REPS1: variants seen among roughly 807,000 people sequenced by gnomAD.
REPS1 encodes ralBP1-associated Eps domain-containing protein 1.
A neutral mutation model predicts 100.9 loss-of-function variants in REPS1; 39 were observed. That is an observed-to-expected ratio of 0.39 (90% CI 0.30 to 0.50). The LOEUF is 0.50. REPS1 is among the 20% of genes least tolerant of loss of function. The pLI, the probability that REPS1 is intolerant of heterozygous loss-of-function variation, is 0.86. For synonymous variants in REPS1, 324 were observed against 340.3 expected (o/e 0.95, Z 0.53); for missense variants, 821 against 968.5 (o/e 0.85, Z 2.02).
At chr6:138,915,662 A>G (rs1056763293) in intron 14 of REPS1, among the ~76,000 whole-genome samples, 196 bp downstream of exon 14, 2 of 152,110 alleles carry the variant, frequency 1.3e-5, no homozygotes, top group Non-Finnish European at 2.9e-5. Flanking sequence ...CATGTTGGCC[A>G]GGCTGGTCTC....
Position 138,924,977 on chromosome 6 carries a change from A to G in REPS1, c.1338+1424T>C, listed in dbSNP as rs118092817. ...AATAGACAATAAAATAAACATTTTA[A>G]AATTGTACATTATCTGTTTGAATTC... On this transcript the variant is annotated intron_variant, in intron 10 of 19. Coordinates refer to ENST00000450536, the MANE Select transcript of REPS1 (RefSeq NM_001286611.2). Among the ~76,000 whole-genome samples, 642 of 152,354 alleles carry G rather than the reference A, an allele frequency of 4.2e-3. 6 individuals are homozygous for G. The highest frequency in any genetic ancestry group is 0.027 in the South Asian group (130 of 4,826).
intron 19 of REPS1, 86 bp downstream of exon 19, chr6:138,907,409 C>T: frequency 1.2e-6 from 1 of 845,166 alleles, no homozygotes; most frequent in East Asian, 2.7e-5. Context: ...TATATGTGAT[C>T]TTGGAGGTAT....
At position 138,987,848 on chromosome 6, in the gene REPS1, G is replaced by A. The variant is rs566529045; in HGVS notation, c.-166C>T. On this transcript the variant is annotated 5_prime_UTR_variant, in exon 1 of 20. Transcript: ENST00000450536. Reference sequence around the variant, plus strand: ...AGGTGCGCCCGAGCAACAGGGCCCGGAGGTCGCGAGGAGGGGGCCCGGCTG... The same window carrying A: ...AGGTGCGCCCGAGCAACAGGGCCCGAAGGTCGCGAGGAGGGGGCCCGGCTG... 4.0e-6 allele frequency: 3 copies of A among 746,318 alleles called. No homozygotes were observed. The South Asian group carries it at 1.9e-4, about 46-fold the overall frequency. 46.2% of individuals were successfully genotyped at this position (746,318 alleles called of 1,614,324 possible).
intron 18 of REPS1, 106 bp downstream of exon 18, chr6:138,908,562 T>C: frequency 8.2e-7 from 1 of 1,226,456 alleles, no homozygotes; most frequent in Admixed American, 1.8e-5. Flanking sequence ...CCCAAAATGC[T>C]GGGATTACAG....
chr6:138,987,843 G>T lies in REPS1; in HGVS notation c.-161C>A. 1.2e-6 allele frequency: 1 copy of T among 821,296 alleles called. No individual in the cohort carries two copies. Among genetic ancestry groups the T allele is most frequent in the Non-Finnish European group, 1.6e-6 (1 of 611,602 alleles). The allele number at this position is 821,296 out of a possible 1,614,324, so 50.9% of individuals were successfully genotyped here. A position where few individuals can be genotyped will look rare whatever the true frequency, so the allele number is the denominator to read the frequency against. Reference sequence around the variant, plus strand: ...GCGCCAGGTGCGCCCGAGCAACAGGGCCCGGAGGTCGCGAGGAGGGGGCCC... The same window carrying T: ...GCGCCAGGTGCGCCCGAGCAACAGGTCCCGGAGGTCGCGAGGAGGGGGCCC... On this transcript the variant is annotated 5_prime_UTR_variant, in exon 1 of 20. Transcript: ENST00000450536.
intron 17 of REPS1, among the ~76,000 whole-genome samples, chr6:138,909,345 G>A (rs1005293065): frequency 2.6e-5 from 4 of 151,988 alleles, no homozygotes; most frequent in Non-Finnish European, 4.4e-5. Flanking sequence ...ATCTGCCCTT[G>A]GCAGAATAAA....
rs551232755 is a variant in REPS1 at position 138,978,450 on chromosome 6, C to T, written c.153+9080G>A. 7.3e-5 allele frequency among the ~76,000 whole-genome samples: 11 copies of T among 150,832 alleles called. No individual in the cohort carries two copies. In the South Asian group the frequency reaches 2.3e-3, roughly 32 times the overall value. ...TCCCAAGTAGCTGGGACCACAGGTG[C>T]ACACCACTATACCCAGCTAATTTAT... On this transcript the variant is annotated intron_variant, in intron 1 of 19. Transcript: ENST00000450536.
chr6:138,979,086 C>T (rs981569681), intron 1 of REPS1, among the ~76,000 whole-genome samples: 3 of 143,986 alleles, frequency 2.1e-5, no homozygotes, highest in Non-Finnish European at 4.5e-5. Flanking sequence ...ATGGCTGAGG[C>T]AGGAGAATCG....
chr6:138,913,551 CAGG>C (rs542683828), intron 15 of REPS1, among the ~76,000 whole-genome samples: 55 of 152,244 alleles, frequency 3.6e-4, no homozygotes, highest in African/African-American at 1.3e-3. Flanking sequence ...CAGTCCGGAG[CAGG>C]AGAAGAGAAT....
At chr6:138,978,185 T>G (rs1784705334) in intron 1 of REPS1, among the ~76,000 whole-genome samples, 1 of 152,152 alleles carries the variant, frequency 6.6e-6, no homozygotes, top group South Asian at 2.1e-4. Flanking sequence ...ATGCAAATAT[T>G]TCTCCCCAAT....
intron 19 of REPS1, among the ~76,000 whole-genome samples, chr6:138,906,737 C>A (rs1414414247): frequency 6.6e-6 from 1 of 152,196 alleles, no homozygotes; most frequent in Admixed American, 6.5e-5. Flanking sequence ...ATCTCCACTG[C>A]CTGGAAGCTT....
intron 9 of REPS1, chr6:138,928,194 T>C (rs563531519): frequency 1.3e-5 from 2 of 152,184 alleles, no homozygotes; most frequent in Non-Finnish European, 2.9e-5. Context: ...ATCTACCTCA[T>C]AAGATTGTTC....
At chr6:138,985,692 T>C (rs1014927104) in intron 1 of REPS1, among the ~76,000 whole-genome samples, 1 of 152,230 alleles carries the variant, frequency 6.6e-6, no homozygotes, top group Non-Finnish European at 1.5e-5. Flanking sequence ...TCTCTCTTTA[T>C]GCCAAAAGAC....
At chr6:138,967,787 T>G (rs9373224) in intron 1 of REPS1, among the ~76,000 whole-genome samples, 96,986 of 151,978 alleles carry the variant, frequency 0.64, 32,730 homozygotes, top group East Asian at 0.87. Flanking sequence ...AACAACAGTA[T>G]TAGCTAACAG....
In REPS1 at chr6:138,988,228, C is replaced by G. The variant is rs1582882955; in HGVS notation, c.-546G>C. The stretch of plus-strand genomic sequence containing the variant: ...GCCATTTACAGTGCCCCGGCCCGGC[C>G]CCGACGCGCCCGCACCAACAGTGAC... On this transcript the variant is annotated 5_prime_UTR_variant, in exon 1 of 20. Transcript: ENST00000450536. 8 of 398,488 alleles carry G rather than the reference C, an allele frequency of 2.0e-5. No individual in the cohort carries two copies. The East Asian group carries it at 2.9e-4, about 14-fold the overall frequency. The allele number at this position is 398,488 out of a possible 1,614,324, so 24.7% of individuals were successfully genotyped here.
intron 1 of REPS1, among the ~76,000 whole-genome samples, chr6:138,961,949 C>G (rs954477627): frequency 6.6e-6 from 1 of 152,222 alleles, no homozygotes; most frequent in Non-Finnish European, 1.5e-5. Context: ...CTATTCAACT[C>G]TAGCTGACTG....
At chr6:138,965,507 G>A (rs1298838132) in intron 1 of REPS1, among the ~76,000 whole-genome samples, 5 of 152,140 alleles carry the variant, frequency 3.3e-5, no homozygotes, top group Non-Finnish European at 7.4e-5. Flanking sequence ...GATAGGGTAT[G>A]GAGATAGTCC....
intron 9 of REPS1, chr6:138,926,894 C>T (rs1463719753): frequency 6.3e-6 from 1 of 158,140 alleles, no homozygotes; most frequent in African/African-American, 2.4e-5. Flanking sequence ...ATTTTGTGAT[C>T]CTAATGAATC....
At chr6:138,981,280 TTCTTAATTTTAAAAA>T (rs1233904357) in intron 1 of REPS1, among the ~76,000 whole-genome samples, 3 of 152,220 alleles carry the variant, frequency 2.0e-5, no homozygotes, top group Non-Finnish European at 4.4e-5. Context: ...AGATGTAGTA[TTCTTAATTTTAAAAA>T]GCCTAAGTCT....
Sources: gnomAD v4.1 joint callset for allele counts (sites outside exome capture counted in the v4.1 genomes callset) on GRCh38, gnomAD v4.1.1 for gene constraint, MANE v1.5 for transcripts, NCBI Gene and HGNC (gene_info 2026-07-23, HGNC 2026-07-21) for gene names.